Variants in TOX2 observed in about 807,000 individuals in gnomAD.
TOX2 encodes TOX high mobility group box family member 2.
A neutral mutation model predicts 47.4 loss-of-function variants in TOX2; 15 were observed. The observed-to-expected ratio is 0.32, with a 90% CI of 0.21 to 0.49. The LOEUF (loss-of-function observed/expected upper bound fraction) is 0.49. Among genes scored for constraint, TOX2 ranks in the 20% least tolerant of loss-of-function variants. The pLI is 0.99. For missense variants in TOX2, 622 were observed against 673.1 expected, an observed-to-expected ratio of 0.92 and a Z score of 0.84; for synonymous variants, 290 against 296.6, an observed-to-expected ratio of 0.98 and a Z score of 0.23.
At position 43,927,632 on chromosome 20, in the gene TOX2, CT is replaced by C. The variant is rs1186801021; in HGVS notation, c.99+12644del. 4.4e-5 allele frequency among the ~76,000 whole-genome samples: 6 copies of C among 136,946 alleles called. 1 individual carries two copies. Among genetic ancestry groups the C allele is most frequent in the African/African-American group, 1.7e-4 (6 of 35,554 alleles). 89.8% of individuals were successfully genotyped at this position (136,946 alleles called of 152,430 possible). ...TCCTTCCTTCCTTCCTTCCTCCTTCCTTCCTTCCTCCCCTTCCCTTCCCTTC... is the reference window on the plus strand; with the variant it reads ...TCCTTCCTTCCTTCCTTCCTCCTTCCTCCTTCCTCCCCTTCCCTTCCCTTC... On this transcript the variant is annotated intron_variant, in intron 1 of 8. Coordinates refer to ENST00000341197, the MANE Select transcript of TOX2 (RefSeq NM_001098797.2).
intron 3 of TOX2, among the ~76,000 whole-genome samples, chr20:44,028,638 AC>A (rs2071101589): frequency 7.4e-5 from 1 of 13,556 alleles, no homozygotes; most frequent in South Asian, 2.6e-3. Flanking sequence ...AGTGATACAG[AC>A]AGACAAAGAC....
intron 1 of TOX2, among the ~76,000 whole-genome samples, chr20:43,925,296 A>G (rs2069152886): frequency 6.6e-6 from 1 of 152,098 alleles, no homozygotes; most frequent in African/African-American, 2.4e-5. Context: ...AGTTTCCTCA[A>G]CATGGGTGAA....
At chr20:44,063,715 T>C (rs1480117461) in intron 5 of TOX2, among the ~76,000 whole-genome samples, 1 of 151,606 alleles carries the variant, frequency 6.6e-6, no homozygotes, top group Non-Finnish European at 1.5e-5. Context: ...CATCAATCAA[T>C]GAGTAAAGAA....
Position 44,049,664 on chromosome 20 carries a change from G to A in TOX2, c.412-1642G>A, listed in dbSNP as rs6031325. On this transcript the variant is annotated intron_variant, in intron 3 of 8. Coordinates refer to ENST00000341197, the MANE Select transcript of TOX2 (RefSeq NM_001098797.2). ...GTCCCTCCCCTTGCCCCCTCAACGC[G>A]CCCCAGTGTGTAGTTCCCCTCCCTG... Among the ~76,000 whole-genome samples, 634 of 152,078 alleles carry A rather than the reference G, an allele frequency of 4.2e-3. 6 individuals are homozygous for A. The highest frequency in any genetic ancestry group is 0.014 in the African/African-American group (589 of 41,466).
intron 5 of TOX2, among the ~76,000 whole-genome samples, chr20:44,062,051 C>T (rs770980144): frequency 3.3e-5 from 5 of 151,760 alleles, no homozygotes; most frequent in African/African-American, 4.9e-5. Flanking sequence ...AAGCATTCCC[C>T]CTGAGAACTA....
At chr20:43,988,411 G>A (rs552876994) in intron 2 of TOX2, among the ~76,000 whole-genome samples, 1 of 152,298 alleles carries the variant, frequency 6.6e-6, no homozygotes, top group South Asian at 2.1e-4. Context: ...AACACAACTT[G>A]TAGGCATGCT....
At chr20:43,968,706 A>C (rs1011745293) in intron 1 of TOX2, among the ~76,000 whole-genome samples, 1 of 152,238 alleles carries the variant, frequency 6.6e-6, no homozygotes, top group Middle Eastern at 3.2e-3. Flanking sequence ...TTGCAGAACA[A>C]TCTTCCAGCT....
chr20:44,016,448 G>A (rs1278062054), intron 3 of TOX2, among the ~76,000 whole-genome samples: 1 of 152,050 alleles, frequency 6.6e-6, no homozygotes, highest in Non-Finnish European at 1.5e-5. Flanking sequence ...AAACCATGGT[G>A]TTTCCCACCT....
At chr20:43,939,786 G>T (rs1173661614) in intron 1 of TOX2, among the ~76,000 whole-genome samples, 1 of 152,178 alleles carries the variant, frequency 6.6e-6, no homozygotes, top group African/African-American at 2.4e-5. Context: ...ATTGTCTAAG[G>T]ATTAAAGAGA....
Position 44,054,424 on chromosome 20 carries a change from C to T in TOX2, c.777C>T (p.Asp259=). The T allele has an allele frequency of 6.2e-7, 1 of 1,613,060 alleles. No individual in the cohort carries two copies. Among genetic ancestry groups the T allele is most frequent in the Non-Finnish European group, 8.5e-7 (1 of 1,179,544 alleles). The change falls in exon 5 of 9, where the codon GAC becomes GAT. Residue 259 remains aspartate (D), a synonymous_variant. Transcript: ENST00000341197. ...CGGCCTACGCACTCTTCTTCAGAGA[C>T]ACTCAGGCCGCCATCAAGGGTCAGA... ...PVSAYALFFR[D]TQAAIKGQNP...
At chr20:43,950,593 G>A (rs1224845587) in intron 1 of TOX2, among the ~76,000 whole-genome samples, 3 of 151,906 alleles carry the variant, frequency 2.0e-5, no homozygotes, top group Non-Finnish European at 4.4e-5. Context: ...TCAGGCCCTG[G>A]AATGCTCTCC....
chr20:43,965,079 T>G (rs144755553), intron 1 of TOX2, among the ~76,000 whole-genome samples: 23 of 152,240 alleles, frequency 1.5e-4, no homozygotes, highest in African/African-American at 4.8e-4. Flanking sequence ...TTCGCAAGGG[T>G]AGTCTCCCCA....
chr20:43,922,579 G>T (rs912498699), intron 1 of TOX2, among the ~76,000 whole-genome samples: 1 of 152,152 alleles, frequency 6.6e-6, no homozygotes, highest in African/African-American at 2.4e-5. Flanking sequence ...TTTCAGCATG[G>T]TTTGGGAGCA....
At chr20:44,012,850 G>A (rs1392188578) in intron 3 of TOX2, among the ~76,000 whole-genome samples, 4 of 152,198 alleles carry the variant, frequency 2.6e-5, no homozygotes, top group East Asian at 1.9e-4. Context: ...TTAGTGCTGC[G>A]TTTCAGATTC....
chr20:43,926,762 C>A (rs1262098355), intron 1 of TOX2, among the ~76,000 whole-genome samples: 8 of 152,228 alleles, frequency 5.3e-5, no homozygotes, highest in Non-Finnish European at 1.2e-4. Flanking sequence ...CATTCAGACT[C>A]ACAAGATGAA....
At chr20:43,996,895 C>T (rs551422530) in intron 2 of TOX2, among the ~76,000 whole-genome samples, 4 of 152,200 alleles carry the variant, frequency 2.6e-5, no homozygotes, top group African/African-American at 9.6e-5. Flanking sequence ...AGTTACAGCA[C>T]CTCATGTTTC....
At chr20:43,927,725 TTCCTTCCA>T (rs2069195452) in intron 1 of TOX2, among the ~76,000 whole-genome samples, 1 of 127,284 alleles carries the variant, frequency 7.9e-6, no homozygotes, top group African/African-American at 3.3e-5. Context: ...CCTTCCTTCT[TTCCTTCCA>T]TCCTTCCTTC....
chr20:43,976,849 C>G (rs980217976), intron 2 of TOX2, among the ~76,000 whole-genome samples: 3 of 152,106 alleles, frequency 2.0e-5, no homozygotes, highest in Non-Finnish European at 4.4e-5. Context: ...GTTGTCTCAT[C>G]AACTGCAAGA....
intron 3 of TOX2, among the ~76,000 whole-genome samples, chr20:44,030,050 G>A (rs1210912676): frequency 1.3e-5 from 2 of 152,110 alleles, no homozygotes; most frequent in African/African-American, 4.8e-5. Flanking sequence ...CCACAAGGGA[G>A]TCCAGGCCAT....
Sources: allele counts gnomAD v4.1 joint callset (sites outside exome capture counted in the v4.1 genomes callset), GRCh38; gene constraint gnomAD v4.1.1; transcripts MANE v1.5; gene names NCBI Gene and HGNC (gene_info 2026-07-23, HGNC 2026-07-21).